CARS1: variants seen among roughly 807,000 people sequenced by gnomAD.
CARS1 encodes the protein cysteine--tRNA ligase, cytoplasmic.
CARS1 carries 48 observed loss-of-function variants against 106.2 expected under a neutral mutation model. The observed-to-expected ratio is 0.45, with a 90% CI of 0.36 to 0.57. The LOEUF is 0.57. Among genes scored for constraint, CARS1 ranks in the 20% least tolerant of loss-of-function variants. The probability of loss-of-function intolerance (pLI) is 0.00; values close to 1 mark genes in which losing one functional copy is unlikely to be tolerated. For synonymous variants in CARS1, 409 were observed against 403.4 expected, an observed-to-expected ratio of 1.01 and a Z score of -0.17; for missense variants, 968 against 1,057.2, an observed-to-expected ratio of 0.92 and a Z score of 1.17.
chr11:3,005,173 C>G (rs1350600248), intron 20 of CARS1, among the ~76,000 whole-genome samples, 193 bp downstream of exon 20: 2 of 147,054 alleles, frequency 1.4e-5, no homozygotes, highest in Admixed American at 1.3e-4. Flanking sequence ...TTCACTTAAA[C>G]TGAGGGAATA....
chr11:3,057,292 G>A (rs1304954837), intron 1 of CARS1, 51 bp downstream of exon 1: 1 of 1,543,614 alleles, frequency 6.5e-7, no homozygotes. Context: ...AGCACCCAGC[G>A]CCCAGTCAGG....
In CARS1 at chr11:3,041,510, C is replaced by A. The variant is rs751345927; in HGVS notation, c.367-526G>T. 6.6e-6 allele frequency among the ~76,000 whole-genome samples: 1 copy of A among 152,180 alleles called. No homozygotes were observed. Among genetic ancestry groups the A allele is most frequent in the Non-Finnish European group, 1.5e-5 (1 of 68,028 alleles). On this transcript the variant is annotated intron_variant, in intron 3 of 22. Transcript: ENST00000380525. This position sits in a 1 kb window ranked among gnomAD's most constrained non-coding sequence, Gnocchi z 4.9. Reference sequence around the variant, plus strand: ...GTGCTGCTCTGGCACCACTCCCCAACATCCCAGCACCCTCAGACCTCTCTG... The same window carrying A: ...GTGCTGCTCTGGCACCACTCCCCAAAATCCCAGCACCCTCAGACCTCTCTG...
intron 7 of CARS1, among the ~76,000 whole-genome samples, chr11:3,032,722 A>G (rs1853023898): frequency 6.6e-6 from 1 of 152,038 alleles, no homozygotes; most frequent in African/African-American, 2.4e-5. Flanking sequence ...GACAGTAGAA[A>G]GACTAGCTGC....
At chr11:3,026,623 C>T (rs1450314400) in intron 10 of CARS1, 53 bp downstream of exon 10, 7 of 1,599,242 alleles carry the variant, frequency 4.4e-6, no homozygotes, top group Non-Finnish European at 6.0e-6. Context: ...TCAACACAAC[C>T]CAGGCTGGGC....
intron 13 of CARS1, 41 bp from the exon 14 acceptor site, chr11:3,018,552 G>C: frequency 6.2e-7 from 1 of 1,612,080 alleles, no homozygotes; most frequent in Non-Finnish European, 8.5e-7. Context: ...TTATTCTCCC[G>C]AGTGCTACAG....
rs1426077884 is a variant in CARS1, at chr11:3,043,417, C to T, written c.275-1161G>A. Reference sequence around the variant, plus strand: ...CTCAGCAGATCCCCACTTTTCTCCACAGTCGTCGCCCACAGGTCCAGGTTC... The same window carrying T: ...CTCAGCAGATCCCCACTTTTCTCCATAGTCGTCGCCCACAGGTCCAGGTTC... On this transcript the variant is annotated intron_variant, in intron 2 of 22. Transcript: ENST00000380525. This position sits in a 1 kb window ranked among gnomAD's most constrained non-coding sequence, Gnocchi z 4.0. 6.6e-6 allele frequency among the ~76,000 whole-genome samples: 1 copy of T among 152,076 alleles called. No homozygotes were observed. Among genetic ancestry groups the T allele is most frequent in the Admixed American group, 6.6e-5 (1 of 15,264 alleles).
At chr11:3,018,056 C>A (rs1851217616) in intron 14 of CARS1, 102 bp from the exon 15 acceptor site, 1 of 739,024 alleles carries the variant, frequency 1.4e-6, no homozygotes, top group Non-Finnish European at 2.3e-6. Context: ...TGGTAAAAAT[C>A]TGAAAGACCA....
Position 3,039,934 on chromosome 11 carries a change from A to G in CARS1, c.456-3T>C. On this transcript the variant is annotated splice_region_variant and splice_polypyrimidine_tract_variant and intron_variant, in intron 4 of 22. Coordinates refer to ENST00000380525, the MANE Select transcript of CARS1 (RefSeq NM_001014437.3). This position sits in a 1 kb window ranked among gnomAD's most constrained non-coding sequence, Gnocchi z 5.6. ...AGATATCAAAAGAGATGTAGGACCT[A>G]AAGCAATGAAAAAACAAACATTTCC... The G allele has an allele frequency of 6.6e-7, 1 of 1,519,008 alleles. No individual in the cohort carries two copies. Among genetic ancestry groups the G allele is most frequent in the Non-Finnish European group, 9.0e-7 (1 of 1,114,488 alleles). 94.1% of individuals were successfully genotyped at this position (1,519,008 alleles called of 1,614,324 possible).
chr11:3,054,836 C>T (rs1483892084), intron 1 of CARS1: 1 of 700,434 alleles, frequency 1.4e-6, no homozygotes, highest in Non-Finnish European at 2.6e-6. Context: ...TTATGAAGAC[C>T]CTTGAATTAA....
intron 22 of CARS1, 98 bp downstream of exon 22, chr11:3,001,872 A>G: frequency 1.0e-6 from 1 of 997,892 alleles, no homozygotes; most frequent in Non-Finnish European, 1.6e-6. Flanking sequence ...TTCTACAGAC[A>G]GAAAATCTGC....
In CARS1 at chr11:3,006,108, T is replaced by C. The variant is rs114740939; in HGVS notation, c.2150-675A>G. Among the ~76,000 whole-genome samples the C allele has an allele frequency of 8.3e-3, 1,259 of 152,354 alleles. 12 individuals carry two copies. Among genetic ancestry groups the C allele is most frequent in the African/African-American group, 0.029 (1,206 of 41,580 alleles). On this transcript the variant is annotated intron_variant, in intron 19 of 22. Transcript: ENST00000380525. ...ATTTGATCATAGTACCTCATACGCA[T>C]GTATCCAAATATCACACATAGCCCA...
chr11:3,006,019 T>A (rs1024886921), intron 19 of CARS1, among the ~76,000 whole-genome samples: 5 of 152,108 alleles, frequency 3.3e-5, no homozygotes, highest in Admixed American at 2.0e-4. Flanking sequence ...AAGAGTGGAA[T>A]TGGAGGGTTC....
At chr11:3,012,884 CTTTTTTTTTTT>C (rs768906268) in intron 17 of CARS1, among the ~76,000 whole-genome samples, 2 of 116,930 alleles carry the variant, frequency 1.7e-5, no homozygotes, top group Admixed American at 9.1e-5. Context: ...CTATATTTCC[CTTTTTTTTTTT>C]TTTTTTTTTT....
chr11:3,042,144 C>A (rs576071887), intron 3 of CARS1, 21 bp downstream of exon 3: 1 of 1,591,018 alleles, frequency 6.3e-7, no homozygotes, highest in Non-Finnish European at 8.6e-7. Context: ...GCGTGTGCCA[C>A]GGCATCTGTG....
Position 3,004,208 on chromosome 11 carries a change from C to A in CARS1, c.2217+1158G>T, listed in dbSNP as rs1354638872. 6.6e-6 allele frequency among the ~76,000 whole-genome samples: 1 copy of A among 152,200 alleles called. No homozygotes were observed. The highest frequency in any genetic ancestry group is 1.5e-5 in the Non-Finnish European group (1 of 68,016). On this transcript the variant is annotated intron_variant, in intron 20 of 22. Coordinates refer to ENST00000380525, the MANE Select transcript of CARS1 (RefSeq NM_001014437.3). The surrounding 1 kb of genome is among the most constrained non-coding windows in gnomAD (Gnocchi z 5.2). ...GGCAAGCCCAGCTCTTCCCAACCTG[C>A]CAACCAGGATGGACCTGCAGACCAC...
At chr11:3,005,107 CAAAAAAAAAA>C (rs71035465) in intron 20 of CARS1, among the ~76,000 whole-genome samples, 48 of 90,692 alleles carry the variant, frequency 5.3e-4, no homozygotes, top group African/African-American at 2.2e-3. Context: ...GACTCCGTCT[CAAAAAAAAAA>C]AAAAAAAAAA....
rs1435677793 is a variant in CARS1, at chr11:3,004,533, A to T, written c.2217+833T>A. 6.6e-6 allele frequency among the ~76,000 whole-genome samples: 1 copy of T among 152,186 alleles called. No individual in the cohort carries two copies. The highest frequency in any genetic ancestry group is 1.5e-5 in the Non-Finnish European group (1 of 68,024). On this transcript the variant is annotated intron_variant, in intron 20 of 22. Transcript: ENST00000380525. The surrounding 1 kb of genome is among the most constrained non-coding windows in gnomAD (Gnocchi z 5.2). ...CTTGGGGACCCACCTGCTGGTGGCA[A>T]CAGCCCCCATGGCCCACCTCCCATG...
rs1229208742 is a variant in CARS1 at position 3,038,701 on chromosome 11, T to C, written c.651+493A>G. Among the ~76,000 whole-genome samples the C allele has an allele frequency of 6.6e-6, 1 of 152,232 alleles. No individual in the cohort carries two copies. The highest frequency in any genetic ancestry group is 1.9e-4 in the East Asian group (1 of 5,202). On this transcript the variant is annotated intron_variant, in intron 6 of 22. Coordinates refer to ENST00000380525, the MANE Select transcript of CARS1 (RefSeq NM_001014437.3). The surrounding 1 kb of genome is among the most constrained non-coding windows in gnomAD (Gnocchi z 4.0). ...ATTAGTAGAGAGTAAAATGACCTAT[T>C]CTTACTATTGTAATAAAAATAAGTA...
chr11:3,017,743 C>T lies in CARS1; in HGVS notation c.1727+114G>A, dbSNP rs949835361. ...TCCTGAATTAATTCTGCACAACGTA[C>T]GACAGTGTCCCCAGCCCTTCCTCGA... On this transcript the variant is annotated intron_variant, in intron 15 of 22. Coordinates refer to ENST00000380525, the MANE Select transcript of CARS1 (RefSeq NM_001014437.3). The surrounding 1 kb of genome is among the most constrained non-coding windows in gnomAD (Gnocchi z 4.9). 11 of 709,684 alleles carry T rather than the reference C, an allele frequency of 1.5e-5. No individual in the cohort carries two copies. Among genetic ancestry groups the T allele is most frequent in the Admixed American group, 4.9e-5 (2 of 40,440 alleles). 44.0% of individuals were successfully genotyped at this position (709,684 alleles called of 1,614,324 possible). A position where few individuals can be genotyped will look rare whatever the true frequency, so the allele number is the denominator to read the frequency against.
Sources: gnomAD v4.1 joint callset for allele counts (sites outside exome capture counted in the v4.1 genomes callset) on GRCh38, gnomAD v4.1.1 for gene constraint, Gnocchi (gnomAD v3.1) non-coding constraint, MANE v1.5 for transcripts, NCBI Gene and HGNC (gene_info 2026-07-23, HGNC 2026-07-21) for gene names.